The following TRIM37 variants were observed in gnomAD, a reference collection of about 807,000 sequenced individuals.
The protein encoded by TRIM37 is tripartite motif containing 37.
In TRIM37, 80 loss-of-function variants were observed where a neutral mutation model predicts 129.8. That is an observed-to-expected ratio of 0.62 (90% CI 0.51 to 0.74). TRIM37 has a LOEUF of 0.74. Among genes scored for constraint, TRIM37 ranks in the 30% least tolerant of loss-of-function variants. The probability of loss-of-function intolerance (pLI) is 0.00; values close to 1 mark genes in which losing one functional copy is unlikely to be tolerated. For synonymous variants in TRIM37, 389 were observed against 387.1 expected, an observed-to-expected ratio of 1.00 and a Z score of -0.06; for missense variants, 1,054 against 1,176.5, an observed-to-expected ratio of 0.90 and a Z score of 1.52.
At chr17:59,007,235 A>ACACACC (rs1567954951) in intron 22 of TRIM37, among the ~76,000 whole-genome samples, 8 of 20,864 alleles carry the variant, frequency 3.8e-4, no homozygotes, top group Admixed American at 2.0e-3. Flanking sequence ...ACCCACCCAC[A>ACACACC]CACACACACA....
intron 8 of TRIM37, among the ~76,000 whole-genome samples, chr17:59,071,331 G>A (rs1021189304): frequency 1.3e-5 from 2 of 149,294 alleles, no homozygotes; most frequent in African/African-American, 2.5e-5. Context: ...TGTTGCCCAG[G>A]CTGGAGTGCA....
At chr17:59,091,520 T>C (rs2044328307) in intron 2 of TRIM37, among the ~76,000 whole-genome samples, 180 bp from the exon 3 acceptor site, 1 of 124,254 alleles carries the variant, frequency 8.0e-6, no homozygotes, top group East Asian at 2.1e-4. Flanking sequence ...CATATATATA[T>C]AATGTATAAT....
intron 18 of TRIM37, among the ~76,000 whole-genome samples, chr17:59,031,524 G>A (rs1217249822): frequency 6.6e-6 from 1 of 152,350 alleles, no homozygotes; most frequent in African/African-American, 2.4e-5. Context: ...GAATGAGTAA[G>A]TCACCTTTTT....
chr17:58,981,933 T>C (rs2031377213), downstream of TRIM37: 1 of 152,602 alleles, frequency 6.6e-6, no homozygotes, highest in Admixed American at 6.5e-5. Context: ...ATCAAAAGCA[T>C]TTCTATATTT....
intron 17 of TRIM37, among the ~76,000 whole-genome samples, chr17:59,041,395 T>C (rs2039137220): frequency 6.6e-6 from 1 of 152,224 alleles, no homozygotes; most frequent in Admixed American, 6.5e-5. Context: ...GAGATCATTC[T>C]ATAGTCTAGC....
chr17:59,025,192 GA>G (rs1460213261), intron 19 of TRIM37, among the ~76,000 whole-genome samples: 2 of 151,884 alleles, frequency 1.3e-5, no homozygotes, highest in Non-Finnish European at 2.9e-5. Flanking sequence ...TTCATTTGGG[GA>G]AAAACATCAT....
intron 5 of TRIM37, among the ~76,000 whole-genome samples, chr17:59,081,964 A>AAAAAATAAT (rs1568200247): frequency 8.0e-5 from 7 of 87,208 alleles, no homozygotes; most frequent in Admixed American, 1.2e-4. Flanking sequence ...AAAAAAAAAA[A>AAAAAATAAT]AATAATAATA....
downstream of TRIM37, among the ~76,000 whole-genome samples, chr17:58,993,683 A>C (rs2032681180): frequency 6.6e-6 from 1 of 152,208 alleles, no homozygotes; most frequent in Non-Finnish European, 1.5e-5. Context: ...CTTGGGGGTG[A>C]CTGAAATGTT....
chr17:59,010,252 T>G (rs2035082975), intron 22 of TRIM37, among the ~76,000 whole-genome samples: 2 of 152,172 alleles, frequency 1.3e-5, no homozygotes, highest in Admixed American at 6.5e-5. Context: ...CATTTTTGGT[T>G]GTTGTAACCG....
chr17:59,007,241 A>ACACACC, intron 22 of TRIM37, among the ~76,000 whole-genome samples: 1 of 98,754 alleles, frequency 1.0e-5, no homozygotes, highest in African/African-American at 3.9e-5. Flanking sequence ...CCACACACAC[A>ACACACC]CACACGTTCC....
chr17:59,055,710 G>T (rs892655274), intron 13 of TRIM37, among the ~76,000 whole-genome samples: 1 of 133,352 alleles, frequency 7.5e-6, no homozygotes, highest in Non-Finnish European at 1.6e-5. Context: ...AAAAAAAAAA[G>T]CTAAATGATG....
In TRIM37 at chr17:59,092,709, TTATTTGTTTA is replaced by T. The variant is rs1599525584; in HGVS notation, c.124-1379_124-1370del. Among the ~76,000 whole-genome samples, 6 of 152,288 alleles carry T rather than the reference TTATTTGTTTA, an allele frequency of 3.9e-5. No individual in the cohort carries two copies. The East Asian group carries it at 9.6e-4, about 24-fold the overall frequency. ...TACACCAACGTACTCCCAATATCTG[TTATTTGTTTA>T]TCTCTTTCTACTTTTTAAAATGAAC... On this transcript the variant is annotated intron_variant, in intron 2 of 23. Coordinates refer to ENST00000262294, the MANE Select transcript of TRIM37 (RefSeq NM_015294.6).
At chr17:59,019,851 A>G (rs1443341074) in intron 19 of TRIM37, among the ~76,000 whole-genome samples, 1 of 152,178 alleles carries the variant, frequency 6.6e-6, no homozygotes, top group Non-Finnish European at 1.5e-5. Flanking sequence ...ATGTTCTTAG[A>G]CTTAGATAAA....
At position 59,104,330 on chromosome 17, in the gene TRIM37, G is replaced by A; in HGVS notation, c.86C>T (p.Pro29Leu). 6.2e-7 allele frequency: 1 copy of A among 1,614,218 alleles called. No individual in the cohort carries two copies. Among genetic ancestry groups the A allele is most frequent in the Non-Finnish European group, 8.5e-7 (1 of 1,180,042 alleles). ...MEKLRDARLC[P>L]HCSKLCCFSC... The stretch of plus-strand genomic sequence containing the variant: ...GAAACAACACAGTTTGGAGCAATGA[G>A]GACACAGGCGTGCATCCCGCAATTT... Residue 29 changes from proline to leucine, a missense_variant, in exon 2 of 24, where the codon CCT becomes CTT. Coordinates refer to ENST00000262294, the MANE Select transcript of TRIM37 (RefSeq NM_015294.6).
At chr17:58,974,751 C>T in the TRIM37 span, among the ~76,000 whole-genome samples, 366 of 152,144 alleles carry the variant, frequency 2.4e-3, 1 homozygote, top group Non-Finnish European at 3.3e-3. Flanking sequence ...CCAAAAATTC[C>T]AGAACATGAA....
At chr17:59,059,897 G>T (rs1338639823) in intron 12 of TRIM37, among the ~76,000 whole-genome samples, 1 of 152,148 alleles carries the variant, frequency 6.6e-6, no homozygotes, top group African/African-American at 2.4e-5. Context: ...CACCGTGGCA[G>T]GTTGCAATAG....
At chr17:59,067,281 A>G (rs1402934741) in intron 9 of TRIM37, among the ~76,000 whole-genome samples, 1 of 152,174 alleles carries the variant, frequency 6.6e-6, no homozygotes, top group Non-Finnish European at 1.5e-5. Flanking sequence ...ATCTTTTCAT[A>G]GTTTTAAAAT....
chr17:59,076,787 TTTTA>T (rs752677073), intron 7 of TRIM37, among the ~76,000 whole-genome samples: 26 of 152,154 alleles, frequency 1.7e-4, no homozygotes, highest in South Asian at 4.1e-4. Flanking sequence ...CTTTTATTTA[TTTTA>T]TTTATTTATT....
downstream of TRIM37, chr17:58,979,970 G>A (rs1382561249): frequency 5.6e-6 from 9 of 1,606,702 alleles, no homozygotes; most frequent in Admixed American, 1.7e-5. Flanking sequence ...TCTGCTTCCC[G>A]CAGGAGATGC....
Sources: gnomAD v4.1 joint callset for allele counts (sites outside exome capture counted in the v4.1 genomes callset) on GRCh38, gnomAD v4.1.1 for gene constraint, MANE v1.5 for transcripts, NCBI Gene and HGNC (gene_info 2026-07-23, HGNC 2026-07-21) for gene names.